CSGALNACT1: variants seen among roughly 807,000 people sequenced by gnomAD.
The protein encoded by CSGALNACT1 is beta4GalNAcT-1.
CSGALNACT1 carries 52 observed loss-of-function variants against 51.0 expected under a neutral mutation model. The observed-to-expected ratio is 1.02, with a 90% CI of 0.82 to 1.29. CSGALNACT1 has a LOEUF of 1.29. Ranked by LOEUF, CSGALNACT1 falls within the 50% of genes most tolerant of loss-of-function variation. CSGALNACT1 has a pLI of 0.00. For synonymous variants in CSGALNACT1, 341 were observed against 254.4 expected (o/e 1.34, Z -3.24); for missense variants, 935 against 679.2 (o/e 1.38, Z -4.19).
intron 3 of CSGALNACT1, among the ~76,000 whole-genome samples, chr8:19,584,969 T>C (rs1254108157): frequency 2.0e-5 from 3 of 152,144 alleles, no homozygotes; most frequent in African/African-American, 7.2e-5. Flanking sequence ...TAGACTTAAG[T>C]CTGAATTCTA....
intron 5 of CSGALNACT1, among the ~76,000 whole-genome samples, chr8:19,454,850 G>T (rs759259950): frequency 6.6e-6 from 1 of 151,652 alleles, no homozygotes; most frequent in African/African-American, 2.4e-5. Context: ...TAACTTCAGC[G>T]AGATCTCTTG....
At chr8:19,699,479 C>A (rs28803635) in intron 1 of CSGALNACT1, among the ~76,000 whole-genome samples, 35,185 of 152,066 alleles carry the variant, frequency 0.23, 4,267 homozygotes, top group East Asian at 0.38. Flanking sequence ...AATTTGGAAA[C>A]AAGCTATAAC....
intron 3 of CSGALNACT1, among the ~76,000 whole-genome samples, chr8:19,508,977 G>C (rs1296657940): frequency 6.6e-6 from 1 of 152,076 alleles, no homozygotes; most frequent in Non-Finnish European, 1.5e-5. Flanking sequence ...CCACTCTTTG[G>C]AGAAAAGAAG....
intron 4 of CSGALNACT1, among the ~76,000 whole-genome samples, chr8:19,493,711 C>T (rs1164951322): frequency 6.6e-6 from 1 of 152,148 alleles, no homozygotes; most frequent in Non-Finnish European, 1.5e-5. Flanking sequence ...CTATTGCATG[C>T]AATTCCACAT....
chr8:19,588,200 C>G (rs574459685), intron 3 of CSGALNACT1, among the ~76,000 whole-genome samples: 2 of 150,584 alleles, frequency 1.3e-5, no homozygotes, highest in African/African-American at 2.5e-5. Context: ...TGTCCCCCAT[C>G]CCCTCAGCAA....
chr8:19,586,412 A>G (rs2046659673), intron 3 of CSGALNACT1, among the ~76,000 whole-genome samples: 2 of 151,724 alleles, frequency 1.3e-5, no homozygotes, highest in African/African-American at 2.4e-5. Flanking sequence ...TTATAGAAAA[A>G]AAAAAAAAAA....
chr8:19,643,547 A>G (rs78813138), intron 1 of CSGALNACT1, among the ~76,000 whole-genome samples: 9,570 of 152,128 alleles, frequency 0.063, 368 homozygotes, highest in Admixed American at 0.13. Flanking sequence ...CTAAGACAAA[A>G]GAGTTGCTTG....
At chr8:19,625,426 A>G (rs1192574381) in intron 1 of CSGALNACT1, among the ~76,000 whole-genome samples, 1 of 152,238 alleles carries the variant, frequency 6.6e-6, no homozygotes, top group African/African-American at 2.4e-5. Context: ...ATATAAGTAA[A>G]TTAAAAAGTC....
intron 1 of CSGALNACT1, among the ~76,000 whole-genome samples, chr8:19,717,061 T>C (rs181937769): frequency 2.6e-5 from 4 of 152,338 alleles, no homozygotes; most frequent in African/African-American, 7.2e-5. Context: ...ATTCACAGGA[T>C]TGCTGTGAAA....
chr8:19,464,569 G>A (rs530906642), intron 4 of CSGALNACT1, among the ~76,000 whole-genome samples: 7 of 152,152 alleles, frequency 4.6e-5, no homozygotes, highest in South Asian at 2.1e-4. Flanking sequence ...GTACCAGTCC[G>A]TGGCCTGTTC....
chr8:19,721,693 C>A (rs540283364), intron 1 of CSGALNACT1, among the ~76,000 whole-genome samples: 8 of 152,132 alleles, frequency 5.3e-5, no homozygotes, highest in Admixed American at 1.3e-4. Context: ...TTGAAAAGAC[C>A]GCCAAAGTCT....
chr8:19,705,668 G>C (rs371626266), intron 1 of CSGALNACT1, among the ~76,000 whole-genome samples: 316 of 152,118 alleles, frequency 2.1e-3, no homozygotes, highest in African/African-American at 7.4e-3. Flanking sequence ...GCCGGGGAGG[G>C]GGAGGCTGCA....
intron 1 of CSGALNACT1, among the ~76,000 whole-genome samples, chr8:19,716,180 C>T (rs1057311757): frequency 2.6e-5 from 4 of 151,998 alleles, no homozygotes; most frequent in African/African-American, 7.3e-5. Flanking sequence ...AATCTTGCTC[C>T]CGTCCCAAAA....
chr8:19,482,902 C>A (rs2071840312), intron 4 of CSGALNACT1, among the ~76,000 whole-genome samples: 1 of 152,170 alleles, frequency 6.6e-6, no homozygotes, highest in Admixed American at 6.5e-5. Flanking sequence ...CTAAGCTGAT[C>A]ATCTCTCCTG....
chr8:19,475,199 G>C lies in CSGALNACT1; in HGVS notation c.635-16557C>G, dbSNP rs140501837. Among the ~76,000 whole-genome samples the C allele has an allele frequency of 2.9e-3, 443 of 152,248 alleles. 2 individuals are homozygous for C. The highest frequency in any genetic ancestry group is 0.01 in the Middle Eastern group (3 of 294). On this transcript the variant is annotated intron_variant, in intron 4 of 9. Transcript: ENST00000454498. Reference sequence around the variant, plus strand: ...CTTGACCAGAGTGTACAAGAGTATGGAGGAAGAATATGGCACAATCAGAAA... The same window carrying C: ...CTTGACCAGAGTGTACAAGAGTATGCAGGAAGAATATGGCACAATCAGAAA...
At chr8:19,753,302 G>C (rs1229597755) in intron 1 of CSGALNACT1, among the ~76,000 whole-genome samples, 1 of 152,004 alleles carries the variant, frequency 6.6e-6, no homozygotes, top group Non-Finnish European at 1.5e-5. Context: ...TCATCCAAAA[G>C]TTATTCCTCT....
intron 9 of CSGALNACT1, 73 bp from the exon 9 acceptor site, chr8:19,406,142 A>T: frequency 6.4e-7 from 1 of 1,560,074 alleles, no homozygotes; most frequent in Non-Finnish European, 8.8e-7. Flanking sequence ...CAACAAGCAC[A>T]AACTTTTCAT....
chr8:19,697,693 G>A (rs553492211), intron 1 of CSGALNACT1, among the ~76,000 whole-genome samples: 27 of 152,200 alleles, frequency 1.8e-4, no homozygotes, highest in African/African-American at 6.0e-4. Flanking sequence ...TGCTGGGACC[G>A]AGCAGAGTCA....
intron 1 of CSGALNACT1, among the ~76,000 whole-genome samples, chr8:19,715,918 C>A (rs552422351): frequency 9.8e-5 from 15 of 152,320 alleles, no homozygotes; most frequent in African/African-American, 3.6e-4. Flanking sequence ...GACTGCTGCA[C>A]TCTCAGACTT....
Sources: gnomAD v4.1 joint callset for allele counts (sites outside exome capture counted in the v4.1 genomes callset) on GRCh38, gnomAD v4.1.1 for gene constraint, MANE v1.5 for transcripts, NCBI Gene and HGNC (gene_info 2026-07-23, HGNC 2026-07-21) for gene names.